The following AUTS2 variants were observed in gnomAD, a reference collection of about 807,000 sequenced individuals.
AUTS2 encodes the protein autism susceptibility gene 2 protein.
Under a neutral mutation model 112.4 loss-of-function variants are expected in AUTS2, and 17 were observed. That is an observed-to-expected ratio of 0.15 (90% CI 0.10 to 0.23). The LOEUF (loss-of-function observed/expected upper bound fraction) is 0.23, where lower values mean the gene tolerates loss of function less well. Ranked by LOEUF, AUTS2 falls within the 10% of genes least tolerant of loss-of-function variation. The pLI is 1.00. For synonymous variants in AUTS2, 751 were observed against 702.7 expected (o/e 1.07, Z -1.09); for missense variants, 1,510 against 1,701.6 (o/e 0.89, Z 1.98).
chr7:69,773,015 G>A (rs1039783562), intron 1 of AUTS2, among the ~76,000 whole-genome samples: 2 of 152,088 alleles, frequency 1.3e-5, no homozygotes, highest in Non-Finnish European at 2.9e-5. Flanking sequence ...AAAAGAGTAC[G>A]GTATGTAAGA....
At chr7:70,619,866 G>A (rs1290877746) in intron 5 of AUTS2, among the ~76,000 whole-genome samples, 1 of 152,014 alleles carries the variant, frequency 6.6e-6, no homozygotes, top group Non-Finnish European at 1.5e-5. Flanking sequence ...ATCTCCCAGC[G>A]CCTGCCTCCG....
chr7:70,701,626 T>C (rs577485781), intron 6 of AUTS2, among the ~76,000 whole-genome samples: 1 of 152,352 alleles, frequency 6.6e-6, no homozygotes, highest in Non-Finnish European at 1.5e-5. Flanking sequence ...TTTCCTGCTT[T>C]AAAACAAGTT....
intron 2 of AUTS2, among the ~76,000 whole-genome samples, chr7:69,990,141 GGT>G (rs1798685317): frequency 6.6e-6 from 1 of 152,110 alleles, no homozygotes; most frequent in African/African-American, 2.4e-5. Flanking sequence ...TTTACCTCTT[GGT>G]GCCTCAATTT....
intron 1 of AUTS2, among the ~76,000 whole-genome samples, chr7:69,840,916 T>A (rs1309615058): frequency 2.0e-5 from 3 of 152,200 alleles, no homozygotes; most frequent in Admixed American, 6.5e-5. Flanking sequence ...AACAGGCAAG[T>A]GCCGTCAATG....
At chr7:70,341,991 C>G (rs1164781967) in intron 4 of AUTS2, among the ~76,000 whole-genome samples, 1 of 152,200 alleles carries the variant, frequency 6.6e-6, no homozygotes, top group Non-Finnish European at 1.5e-5. Context: ...ATGGCTGCCT[C>G]TCTGGAGGGC....
chr7:69,886,763 TTGTGTGTGTGTGTGTGTGTGTGTG>T (rs3220664), intron 1 of AUTS2, among the ~76,000 whole-genome samples: 3 of 129,772 alleles, frequency 2.3e-5, no homozygotes, highest in African/African-American at 5.9e-5. Context: ...TTTGACTTCT[TTGTGTGTGTGTGTGTGTGTGTGTG>T]TGTGTGTGTG....
At chr7:70,179,066 C>T (rs559524799) in intron 4 of AUTS2, among the ~76,000 whole-genome samples, 8 of 152,170 alleles carry the variant, frequency 5.3e-5, no homozygotes, top group Non-Finnish European at 1.2e-4. Context: ...ACGGGTTTTA[C>T]CAGAGTCAGT....
intron 5 of AUTS2, among the ~76,000 whole-genome samples, chr7:70,468,125 T>C (rs1350006680): frequency 6.6e-6 from 1 of 152,152 alleles, no homozygotes; most frequent in Admixed American, 6.5e-5. Flanking sequence ...AGGGGAGAGA[T>C]GGGGCTTATA....
intron 5 of AUTS2, among the ~76,000 whole-genome samples, chr7:70,491,868 G>A (rs1436973141): frequency 6.6e-6 from 1 of 152,062 alleles, no homozygotes; most frequent in Non-Finnish European, 1.5e-5. Context: ...GCCCGCCTCG[G>A]CCTCCCAGAG....
intron 2 of AUTS2, among the ~76,000 whole-genome samples, chr7:70,021,315 A>T (rs1032722596): frequency 6.6e-6 from 1 of 152,170 alleles, no homozygotes; most frequent in Non-Finnish European, 1.5e-5. Context: ...AAGCTCTTCC[A>T]TTTGAACTTT....
intron 2 of AUTS2, among the ~76,000 whole-genome samples, chr7:69,911,188 A>G (rs767500315): frequency 6.6e-6 from 1 of 152,202 alleles, no homozygotes; most frequent in South Asian, 2.1e-4. Context: ...AGGCACCAGA[A>G]CAGGTGCTGG....
intron 1 of AUTS2, among the ~76,000 whole-genome samples, chr7:69,897,885 CTGGGAT>C (rs1794819099): frequency 6.6e-6 from 1 of 151,904 alleles, no homozygotes; most frequent in Admixed American, 6.6e-5. Flanking sequence ...GTTGGGAGTG[CTGGGAT>C]ATTGCAGCAG....
At chr7:70,234,827 T>G (rs565570601) in intron 4 of AUTS2, among the ~76,000 whole-genome samples, 3 of 152,140 alleles carry the variant, frequency 2.0e-5, no homozygotes, top group Non-Finnish European at 4.4e-5. Flanking sequence ...CCTGGAATAT[T>G]GATCTTCACC....
chr7:70,030,118 G>A (rs1162205993), intron 2 of AUTS2, among the ~76,000 whole-genome samples: 3 of 152,174 alleles, frequency 2.0e-5, no homozygotes, highest in African/African-American at 7.2e-5. Context: ...TACTGATGAT[G>A]GAATGAGACT....
chr7:70,028,447 A>G (rs905638317), intron 2 of AUTS2, among the ~76,000 whole-genome samples: 3 of 152,116 alleles, frequency 2.0e-5, no homozygotes, highest in African/African-American at 7.2e-5. Flanking sequence ...CTTATAGATC[A>G]TTCTATGTTT....
chr7:70,721,278 T>TTGTG (rs1385252253), intron 6 of AUTS2, among the ~76,000 whole-genome samples: 8 of 60,484 alleles, frequency 1.3e-4, no homozygotes, highest in African/African-American at 5.3e-4. Context: ...AGAATTTCAT[T>TTGTG]CGTGTGTGTG....
chr7:70,182,023 C>G lies in AUTS2; in HGVS notation c.660+47452C>G, dbSNP rs376932168. 7.0e-5 allele frequency among the ~76,000 whole-genome samples: 10 copies of G among 143,022 alleles called. No homozygotes were observed. The East Asian group carries it at 2.0e-3, about 29-fold the overall frequency. 93.8% of individuals were successfully genotyped at this position (143,022 alleles called of 152,430 possible). On this transcript the variant is annotated intron_variant, in intron 4 of 18. Coordinates refer to ENST00000342771, the MANE Select transcript of AUTS2 (RefSeq NM_015570.4). ...TCGTGTTAGCCAGGATGGTCTCGATCGATCTCCTGACCTCATGATCCGCCC... is the reference window on the plus strand; with the variant it reads ...TCGTGTTAGCCAGGATGGTCTCGATGGATCTCCTGACCTCATGATCCGCCC...
chr7:70,338,403 A>G (rs1791091496), intron 4 of AUTS2, among the ~76,000 whole-genome samples: 1 of 152,212 alleles, frequency 6.6e-6, no homozygotes, highest in Admixed American at 6.5e-5. Context: ...AACAGCCGGT[A>G]TTACAGATAG....
In AUTS2 at chr7:70,165,647, C is replaced by T. The variant is rs1808342490; in HGVS notation, c.660+31076C>T. ...AGAACAGGTCTATCTGAAGAGCTTACAGGAAGCTCTTCAGACAGTAGGAAA... is the reference window on the plus strand; with the variant it reads ...AGAACAGGTCTATCTGAAGAGCTTATAGGAAGCTCTTCAGACAGTAGGAAA... On this transcript the variant is annotated intron_variant, in intron 4 of 18. Transcript: ENST00000342771. Among the ~76,000 whole-genome samples, 3 of 152,170 alleles carry T rather than the reference C, an allele frequency of 2.0e-5. No individual in the cohort carries two copies. The South Asian group carries it at 6.2e-4, about 32-fold the overall frequency.
Sources: allele counts gnomAD v4.1 joint callset (sites outside exome capture counted in the v4.1 genomes callset), GRCh38; gene constraint gnomAD v4.1.1; transcripts MANE v1.5; gene names NCBI Gene and HGNC (gene_info 2026-07-23, HGNC 2026-07-21).